Variants in IKZF3 observed in about 807,000 individuals in gnomAD.
IKZF3 encodes the protein zinc finger protein Aiolos.
In IKZF3, 10 loss-of-function variants were observed where a neutral mutation model predicts 49.0. The observed-to-expected ratio is 0.20, with a 90% CI of 0.13 to 0.35. The LOEUF is 0.35. IKZF3 is among the 10% of genes least tolerant of loss of function. The pLI is 1.00. For synonymous variants in IKZF3, 209 were observed against 228.2 expected, an observed-to-expected ratio of 0.92 and a Z score of 0.76; for missense variants, 498 against 664.8, an observed-to-expected ratio of 0.75 and a Z score of 2.76.
At chr17:39,838,001 G>A (rs1246669074) in intron 1 of IKZF3, among the ~76,000 whole-genome samples, 1 of 152,048 alleles carries the variant, frequency 6.6e-6, no homozygotes, top group Admixed American at 6.6e-5. Context: ...TTTCCTATAG[G>A]TAATGTGTTC....
rs994127620 is a variant in IKZF3, at chr17:39,763,136, T to C, written c.*2654A>G. On this transcript the variant is annotated 3_prime_UTR_variant, in exon 8 of 8. Transcript: ENST00000346872. Reference sequence around the variant, plus strand: ...GTATTACGGAAATACAGTGATATACTGAAGACTACACACCAAAATACATCC... The same window carrying C: ...GTATTACGGAAATACAGTGATATACCGAAGACTACACACCAAAATACATCC... 7 of 152,246 alleles carry C rather than the reference T, an allele frequency of 4.6e-5. No individual in the cohort carries two copies. The highest frequency in any genetic ancestry group is 1.7e-4 in the African/African-American group (7 of 41,464). The allele number at this position is 152,246 out of a possible 1,614,324, so 9.4% of individuals were successfully genotyped here. A position where few individuals can be genotyped will look rare whatever the true frequency, so the allele number is the denominator to read the frequency against.
chr17:39,835,902 T>C (rs962958866), intron 1 of IKZF3: 6 of 651,122 alleles, frequency 9.2e-6, no homozygotes, highest in Admixed American at 1.8e-5. Flanking sequence ...CACCAGCCCC[T>C]GCATGTTGCC....
chr17:39,862,665 T>C (rs183355054), intron 1 of IKZF3, among the ~76,000 whole-genome samples: 3 of 152,290 alleles, frequency 2.0e-5, no homozygotes, highest in Non-Finnish European at 2.9e-5. Context: ...CATGGACCTA[T>C]AGATTTAATC....
At chr17:39,804,265 G>C (rs574622375) in intron 3 of IKZF3, among the ~76,000 whole-genome samples, 2 of 152,044 alleles carry the variant, frequency 1.3e-5, no homozygotes, top group East Asian at 3.9e-4. Flanking sequence ...TGGCTGACAT[G>C]GTGAATCCCT....
intron 3 of IKZF3, among the ~76,000 whole-genome samples, chr17:39,794,585 C>T (rs965618405): frequency 2.0e-5 from 3 of 152,208 alleles, no homozygotes; most frequent in African/African-American, 7.2e-5. Flanking sequence ...AGTTCCACTG[C>T]TTCCTACCAC....
At chr17:39,805,316 T>C (rs2061409532) in intron 3 of IKZF3, among the ~76,000 whole-genome samples, 1 of 152,176 alleles carries the variant, frequency 6.6e-6, no homozygotes, top group Non-Finnish European at 1.5e-5. Flanking sequence ...TTTTTAAAAA[T>C]TGTACAGATT....
chr17:39,851,365 G>A (rs1009699636), intron 1 of IKZF3, among the ~76,000 whole-genome samples: 2 of 151,540 alleles, frequency 1.3e-5, no homozygotes, highest in African/African-American at 4.9e-5. Flanking sequence ...AATACATATA[G>A]GCCCACCAAA....
chr17:39,798,198 G>C (rs13313561), intron 3 of IKZF3, among the ~76,000 whole-genome samples: 13,992 of 152,002 alleles, frequency 0.092, 1,309 homozygotes, highest in African/African-American at 0.24. Context: ...GTTCTCTTTG[G>C]CTCCCTTCTT....
intron 1 of IKZF3, among the ~76,000 whole-genome samples, chr17:39,846,619 T>C (rs1215170749): frequency 6.6e-6 from 1 of 151,726 alleles, no homozygotes; most frequent in East Asian, 1.9e-4. Flanking sequence ...GAAGTTCACA[T>C]ATGAATGCTT....
intron 1 of IKZF3, among the ~76,000 whole-genome samples, chr17:39,849,003 TA>T (rs1454380971): frequency 1.3e-5 from 2 of 152,164 alleles, no homozygotes; most frequent in East Asian, 3.8e-4. Flanking sequence ...TAGCAAGATA[TA>T]AGCAGCACTT....
At chr17:39,797,891 G>A (rs561680641) in intron 3 of IKZF3, among the ~76,000 whole-genome samples, 2 of 151,552 alleles carry the variant, frequency 1.3e-5, no homozygotes, top group African/African-American at 4.9e-5. Flanking sequence ...TTAAGGCTTC[G>A]ACTAACATCT....
rs1038035120 is a variant in IKZF3, at chr17:39,762,047, G to C, written c.*3743C>G. ...TGTTCCTCAGACCGTGGCCTCCTGG[G>C]TGTATGGTGGAAAGCCCGCCTGATA... On this transcript the variant is annotated 3_prime_UTR_variant, in exon 8 of 8. Coordinates refer to ENST00000346872, the MANE Select transcript of IKZF3 (RefSeq NM_012481.5). The C allele has an allele frequency of 1.3e-5, 2 of 152,322 alleles. No homozygotes were observed. The highest frequency in any genetic ancestry group is 6.5e-5 in the Admixed American group (1 of 15,272). 9.4% of individuals were successfully genotyped at this position (152,322 alleles called of 1,614,324 possible).
chr17:39,844,272 T>G (rs557715279), intron 1 of IKZF3, among the ~76,000 whole-genome samples: 6 of 152,324 alleles, frequency 3.9e-5, no homozygotes, highest in African/African-American at 1.2e-4. Flanking sequence ...TTTATACATA[T>G]CTGGGGCAAA....
chr17:39,863,175 A>T (rs1264137683), intron 1 of IKZF3, among the ~76,000 whole-genome samples: 1 of 152,130 alleles, frequency 6.6e-6, no homozygotes, highest in Non-Finnish European at 1.5e-5. Context: ...AAAATGCAAA[A>T]TTTTTAAAGT....
chr17:39,860,806 G>A (rs961472641), intron 1 of IKZF3, among the ~76,000 whole-genome samples: 1 of 152,154 alleles, frequency 6.6e-6, no homozygotes, highest in Non-Finnish European at 1.5e-5. Flanking sequence ...ATCAATAGAA[G>A]CCCAATCCTC....
intron 1 of IKZF3, among the ~76,000 whole-genome samples, chr17:39,851,226 A>C (rs1794522071): frequency 6.6e-6 from 1 of 151,566 alleles, no homozygotes; most frequent in South Asian, 2.1e-4. Context: ...ATGGGGTTTC[A>C]CCATGTTGCT....
chr17:39,841,987 A>T (rs1457675292), intron 1 of IKZF3, among the ~76,000 whole-genome samples: 3 of 144,454 alleles, frequency 2.1e-5, no homozygotes, highest in African/African-American at 7.6e-5. Context: ...TCAAGGCTAC[A>T]GTGAGCTATG....
intron 3 of IKZF3, among the ~76,000 whole-genome samples, chr17:39,798,504 CGT>C (rs1567992461): frequency 2.7e-5 from 4 of 149,550 alleles, no homozygotes; most frequent in African/African-American, 1.0e-4. Flanking sequence ...ACACATCCTA[CGT>C]ATTTTTTTTT....
At chr17:39,816,160 GTAACACA>G (rs1157876849) in intron 3 of IKZF3, among the ~76,000 whole-genome samples, 1 of 152,028 alleles carries the variant, frequency 6.6e-6, no homozygotes, top group Non-Finnish European at 1.5e-5. Flanking sequence ...CAACTAAATG[GTAACACA>G]ACATTTAGTC....
Sources: gnomAD v4.1 joint callset for allele counts (sites outside exome capture counted in the v4.1 genomes callset) on GRCh38, gnomAD v4.1.1 for gene constraint, MANE v1.5 for transcripts, NCBI Gene and HGNC (gene_info 2026-07-23, HGNC 2026-07-21) for gene names.